GTF3A: variants seen among roughly 807,000 people sequenced by gnomAD.
GTF3A encodes the protein general transcription factor IIIA.
A neutral mutation model predicts 37.6 loss-of-function variants in GTF3A; 40 were observed. That is an observed-to-expected ratio of 1.06 (90% CI 0.83 to 1.38). The LOEUF (loss-of-function observed/expected upper bound fraction) is 1.38, where lower values mean the gene tolerates loss of function less well. GTF3A is among the 40% of genes most tolerant of loss of function. The probability of loss-of-function intolerance (pLI) is 0.00; values close to 1 mark genes in which losing one functional copy is unlikely to be tolerated. For synonymous variants in GTF3A, 191 were observed against 166.7 expected, an observed-to-expected ratio of 1.15 and a Z score of -1.12; for missense variants, 500 against 462.6, an observed-to-expected ratio of 1.08 and a Z score of -0.74.
At chr13:27,430,753 C>T in intron 4 of GTF3A, 132 bp downstream of exon 4, 1 of 630,532 alleles carries the variant, frequency 1.6e-6, no homozygotes, top group Non-Finnish European at 2.9e-6. Flanking sequence ...CTGTTCATAT[C>T]CTTTGCCCAC....
Position 27,435,595 on chromosome 13 carries a change from T to C in GTF3A, c.1096T>C (p.Ter366GlnextTer7). The C allele has an allele frequency of 1.2e-6, 2 of 1,613,560 alleles. No individual in the cohort carries two copies. The highest frequency in any genetic ancestry group is 1.7e-6 in the Non-Finnish European group (2 of 1,179,550). The change falls in exon 9 of 9, where the codon TAA becomes CAA. Residue 366 changes from the stop codon to glutamine (Q), a stop_lost. Transcript: ENST00000381140. ...GACAGTTGCAGTACTTACCCTTGGC[T>C]AAGAACTGCACTGCTTTGTTTAAAG...
At position 27,430,571 on chromosome 13, in the gene GTF3A, T is replaced by C. The variant is rs1803811; in HGVS notation, c.438T>C (p.His146=). ...ACTGTAAGAAGACCTTTAAGAAACATCAGCAGCTGAAAATCCATCAGTGCC... is the reference window on the plus strand; with the variant it reads ...ACTGTAAGAAGACCTTTAAGAAACACCAGCAGCTGAAAATCCATCAGTGCC... The change falls in exon 4 of 9, where the codon CAT becomes CAC. Residue 146 remains histidine, a synonymous_variant. Transcript: ENST00000381140. 1.4e-5 allele frequency: 22 copies of C among 1,612,594 alleles called. No individual in the cohort carries two copies. The highest frequency in any genetic ancestry group is 1.9e-5 in the Non-Finnish European group (22 of 1,178,954).
chr13:27,432,911 G>A (rs1270400930), intron 5 of GTF3A, 107 bp downstream of exon 5: 1 of 869,162 alleles, frequency 1.2e-6, no homozygotes, highest in East Asian at 2.7e-5. Context: ...GTGAACAGGG[G>A]ACACCATCCT....
chr13:27,434,512 G>T, intron 6 of GTF3A: 1 of 533,060 alleles, frequency 1.9e-6, no homozygotes, highest in South Asian at 2.5e-5. Flanking sequence ...CCTGCATACT[G>T]GGGGACAAGG....
In GTF3A at chr13:27,428,230, G is replaced by T. The variant is rs566004719; in HGVS notation, c.302+1038G>T. Among the ~76,000 whole-genome samples, 4 of 152,280 alleles carry T rather than the reference G, an allele frequency of 2.6e-5. No individual in the cohort carries two copies. In the South Asian group the frequency reaches 6.2e-4, roughly 24 times the overall value. On this transcript the variant is annotated intron_variant, in intron 2 of 8. Coordinates refer to ENST00000381140, the MANE Select transcript of GTF3A (RefSeq NM_002097.3). ...GAGGTGGCCTCGCTGTCTGTCCAGTGACCCATAGCAAAGATAAGGCAGCTC... is the reference window on the plus strand; with the variant it reads ...GAGGTGGCCTCGCTGTCTGTCCAGTTACCCATAGCAAAGATAAGGCAGCTC...
intron 2 of GTF3A, among the ~76,000 whole-genome samples, chr13:27,429,004 C>T (rs895120215): frequency 3.3e-5 from 5 of 152,032 alleles, no homozygotes; most frequent in Admixed American, 6.6e-5. Flanking sequence ...CAGGGGAGGC[C>T]GGAGAGTGCA....
In GTF3A at chr13:27,432,743, A is replaced by C; in HGVS notation, c.501A>C (p.Glu167Asp). The C allele has an allele frequency of 6.2e-7, 1 of 1,605,398 alleles. No individual in the cohort carries two copies. The highest frequency in any genetic ancestry group is 8.5e-7 in the Non-Finnish European group (1 of 1,175,690). Residue 167 changes from glutamate to aspartate, a missense_variant, in exon 5 of 9, where the codon GAA becomes GAC. Physicochemically the swap from Glu to Asp is conservative, Grantham distance 45. Coordinates refer to ENST00000381140, the MANE Select transcript of GTF3A (RefSeq NM_002097.3). Reference sequence around the variant, plus strand: ...GTTGCCAATGCAGGTGTACCCAGGAAGGATGTGGGAAACACTTTGCATCAC... The same window carrying C: ...GTTGCCAATGCAGGTGTACCCAGGACGGATGTGGGAAACACTTTGCATCAC...
chr13:27,432,913 C>T, intron 5 of GTF3A, 109 bp downstream of exon 5: 2 of 845,032 alleles, frequency 2.4e-6, no homozygotes, highest in South Asian at 1.5e-5. Flanking sequence ...GAACAGGGGA[C>T]ACCATCCTGC....
Position 27,434,830 on chromosome 13 carries a change from G to C in GTF3A, c.669G>C (p.Arg223=). Residue 223 remains arginine (R), a synonymous_variant, in exon 7 of 9, where the codon CGG becomes CGC. Coordinates refer to ENST00000381140, the MANE Select transcript of GTF3A (RefSeq NM_002097.3). ...AGGAAATACTATGTGAAGTATGCCG[G>C]AAAACATTTAAACGCAAAGATTACC... The C allele has an allele frequency of 6.2e-7, 1 of 1,611,640 alleles. No homozygotes were observed.
chr13:27,424,850 G>C lies in GTF3A; in HGVS notation c.113G>C (p.Arg38Thr). Residue 38 changes from arginine to threonine, a missense_variant, in exon 1 of 9, where the codon AGG becomes ACG. By Grantham distance (71) the Arg-to-Thr change is moderately conservative. Coordinates refer to ENST00000381140, the MANE Select transcript of GTF3A (RefSeq NM_002097.3). ...ACCCCGCCGCGCCCCGCGCTTCCCAGGAGGTTCATCTGCTCCTTCCCTGAC... is the reference window on the plus strand; with the variant it reads ...ACCCCGCCGCGCCCCGCGCTTCCCACGAGGTTCATCTGCTCCTTCCCTGAC... The C allele has an allele frequency of 6.4e-7, 1 of 1,550,758 alleles. No individual in the cohort carries two copies. The highest frequency in any genetic ancestry group is 8.7e-7 in the Non-Finnish European group (1 of 1,146,686).
At position 27,432,133 on chromosome 13, in the gene GTF3A, A is replaced by G. The variant is rs1953662743; in HGVS notation, c.489-598A>G. ...CTGGACAAGTTGGGTAGACCTGCAA[A>G]AGGGCCAGCGGCTCTCTGCATGGCT... On this transcript the variant is annotated intron_variant, in intron 4 of 8. Coordinates refer to ENST00000381140, the MANE Select transcript of GTF3A (RefSeq NM_002097.3). 2.0e-5 allele frequency among the ~76,000 whole-genome samples: 3 copies of G among 152,306 alleles called. No homozygotes were observed. The South Asian group carries it at 6.2e-4, about 32-fold the overall frequency.
intron 3 of GTF3A, 57 bp from the exon 4 acceptor site, chr13:27,430,476 A>G: frequency 9.4e-7 from 1 of 1,058,364 alleles, no homozygotes; most frequent in Non-Finnish European, 1.4e-6. Context: ...TTCTGTTACG[A>G]ACTGTTCATT....
intron 6 of GTF3A, 62 bp from the exon 7 acceptor site, chr13:27,434,743 T>G (rs1224125982): frequency 9.4e-6 from 8 of 852,650 alleles, no homozygotes; most frequent in Non-Finnish European, 1.3e-5. Flanking sequence ...TATTAGGTAT[T>G]AATTTTTTCT....
chr13:27,427,300 G>A lies in GTF3A; in HGVS notation c.302+108G>A, dbSNP rs184782872. 401 of 677,172 alleles carry A rather than the reference G, an allele frequency of 5.9e-4. 1 individual carries two copies. Among genetic ancestry groups the A allele is most frequent in the Non-Finnish European group, 9.7e-4 (355 of 366,436 alleles). The allele number at this position is 677,172 out of a possible 1,614,324, so 41.9% of individuals were successfully genotyped here. A position where few individuals can be genotyped will look rare whatever the true frequency, so the allele number is the denominator to read the frequency against. ...GAGATCAGGAATGTGAAGCCTGGCAGGGCTCGGTGGCTCATGCCTGTAATC... is the reference window on the plus strand; with the variant it reads ...GAGATCAGGAATGTGAAGCCTGGCAAGGCTCGGTGGCTCATGCCTGTAATC... On this transcript the variant is annotated intron_variant, in intron 2 of 8. Transcript: ENST00000381140.
chr13:27,432,605 T>C (rs936692289), intron 4 of GTF3A, 126 bp from the exon 5 acceptor site: 46 of 727,248 alleles, frequency 6.3e-5, no homozygotes, highest in Non-Finnish European at 1.0e-4. Context: ...AGCTACATTT[T>C]AACATGGGTT....
chr13:27,427,638 T>C (rs1218793), intron 2 of GTF3A, among the ~76,000 whole-genome samples: 83,502 of 151,826 alleles, frequency 0.55, 24,912 homozygotes, highest in South Asian at 0.68. Flanking sequence ...GAGTCCTCTT[T>C]AGGCTACTTT....
chr13:27,428,802 CTCT>C (rs1244408443), intron 2 of GTF3A, among the ~76,000 whole-genome samples: 3 of 152,204 alleles, frequency 2.0e-5, no homozygotes, highest in African/African-American at 7.2e-5. Flanking sequence ...GCTCTGGAGC[CTCT>C]TCTGACTGGT....
chr13:27,427,093 G>C lies in GTF3A; in HGVS notation c.203G>C (p.Arg68Thr). Residue 68 changes from arginine (R) to threonine (T), a missense_variant and splice_region_variant, in exon 2 of 9, where the codon AGA becomes ACA. Physicochemically the swap from Arg to Thr is moderately conservative, Grantham distance 71. Coordinates refer to ENST00000381140, the MANE Select transcript of GTF3A (RefSeq NM_002097.3). ...ATGCTTTTTCTTTTTTCCTGCTAGA[G>C]ACCATTTGTTTGTGACTATGAAGGG... 1.3e-6 allele frequency: 2 copies of C among 1,534,436 alleles called. No homozygotes were observed. The highest frequency in any genetic ancestry group is 1.8e-6 in the Non-Finnish European group (2 of 1,108,322).
chr13:27,431,924 A>G (rs1953661494), intron 4 of GTF3A, among the ~76,000 whole-genome samples: 1 of 142,762 alleles, frequency 7.0e-6, no homozygotes, highest in South Asian at 2.1e-4. Context: ...GTTTCAAAAT[A>G]ATTTTTGAGA....
Sources: allele counts gnomAD v4.1 joint callset (sites outside exome capture counted in the v4.1 genomes callset), GRCh38; gene constraint gnomAD v4.1.1; transcripts MANE v1.5; gene names NCBI Gene and HGNC (gene_info 2026-07-23, HGNC 2026-07-21).